The following ATP8A1 variants were observed in gnomAD, a reference collection of about 807,000 sequenced individuals.
ATP8A1 encodes phospholipid-transporting ATPase IA.
A neutral mutation model predicts 177.7 loss-of-function variants in ATP8A1; 90 were observed. That is an observed-to-expected ratio of 0.51 (90% CI 0.43 to 0.60). ATP8A1 has a LOEUF of 0.60. Ranked by LOEUF, ATP8A1 falls within the 20% of genes least tolerant of loss-of-function variation. The pLI is 0.00. For missense variants in ATP8A1, 1,072 were observed against 1,392.8 expected (o/e 0.77, Z 3.67); for synonymous variants, 493 against 485.9 (o/e 1.01, Z -0.19).
At chr4:42,570,259 TTC>T (rs925647825) in intron 14 of ATP8A1, among the ~76,000 whole-genome samples, 1 of 152,218 alleles carries the variant, frequency 6.6e-6, no homozygotes, top group Admixed American at 6.5e-5. Flanking sequence ...TAACTCACTA[TTC>T]TCTCTCCTAC....
At position 42,512,784 on chromosome 4, in the gene ATP8A1, T is replaced by C. The variant is rs868068590; in HGVS notation, c.1948-5630A>G. ...TGGGCCCTACACCCAGAATTCCTCA[T>C]TGAATAGGTCTACGGTGAAGCCTGG... is the stretch of plus-strand genomic sequence containing the variant. On this transcript the variant is annotated intron_variant, in intron 22 of 36. Transcript: ENST00000381668. Among the ~76,000 whole-genome samples, 7 of 152,302 alleles carry C rather than the reference T, an allele frequency of 4.6e-5. No individual in the cohort carries two copies. In the South Asian group the frequency reaches 6.2e-4, roughly 14 times the overall value.
intron 20 of ATP8A1, among the ~76,000 whole-genome samples, chr4:42,529,702 C>T (rs1578113058): frequency 6.6e-6 from 1 of 152,142 alleles, no homozygotes; most frequent in African/African-American, 2.4e-5. Flanking sequence ...TGGTTCTGCA[C>T]GATATGCAGG....
intron 25 of ATP8A1, among the ~76,000 whole-genome samples, chr4:42,482,122 C>G (rs1198755156): frequency 6.6e-6 from 1 of 151,940 alleles, no homozygotes; most frequent in Non-Finnish European, 1.5e-5. Context: ...GGCAACGTGG[C>G]AAAAGCCAGG....
intron 4 of ATP8A1, among the ~76,000 whole-genome samples, chr4:42,620,203 A>G (rs1052025016): frequency 2.6e-5 from 4 of 152,158 alleles, no homozygotes; most frequent in Non-Finnish European, 5.9e-5. Context: ...CTAAATTGTT[A>G]TTTGATTTGT....
In ATP8A1 at chr4:42,455,374, A is replaced by C; in HGVS notation, c.2740T>G (p.Ser914Ala). The C allele has an allele frequency of 1.2e-6, 2 of 1,613,908 alleles. No individual in the cohort carries two copies. The highest frequency in any genetic ancestry group is 1.7e-6 in the Non-Finnish European group (2 of 1,179,826). The change falls in exon 29 of 37, where the codon TCA becomes GCA. Residue 914 changes from serine (S) to alanine (A), a missense_variant. Ser to Ala is a moderately conservative substitution (Grantham distance 99). Around this residue, in one of 5 missense-constraint regions of ATP8A1, gnomAD observed 316 missense variants for 459.1 expected, o/e 0.69. Coordinates refer to ENST00000381668, the MANE Select transcript of ATP8A1 (RefSeq NM_006095.2). ...PPLTLGIFER[S>A]CRKENMLKYP... The stretch of plus-strand genomic sequence containing the variant: ...TTCAACATGTTCTCTTTTCTGCATG[A>C]TCTCTCAAATATTCCAAGAGTTAAA...
At chr4:42,567,461 C>T (rs1239727538) in intron 15 of ATP8A1, among the ~76,000 whole-genome samples, 1 of 152,124 alleles carries the variant, frequency 6.6e-6, no homozygotes, top group Non-Finnish European at 1.5e-5. Flanking sequence ...ATCACTTGAA[C>T]CTGGGAGGTG....
chr4:42,454,731 T>C (rs1718299439), intron 29 of ATP8A1, among the ~76,000 whole-genome samples: 1 of 152,190 alleles, frequency 6.6e-6, no homozygotes, highest in South Asian at 2.1e-4. Context: ...AGATAAACTG[T>C]TGGATATTTT....
At chr4:42,636,156 A>ACACGCGCGTGCG (rs565139270) in intron 1 of ATP8A1, among the ~76,000 whole-genome samples, 10 of 90,968 alleles carry the variant, frequency 1.1e-4, no homozygotes, top group East Asian at 3.4e-4. Context: ...ACACACACAC[A>ACACGCGCGTGCG]CGCACACACA....
intron 15 of ATP8A1, among the ~76,000 whole-genome samples, chr4:42,563,733 G>C (rs1256884884): frequency 6.6e-6 from 1 of 152,218 alleles, no homozygotes; most frequent in Non-Finnish European, 1.5e-5. Flanking sequence ...TAGTGCTTCA[G>C]AGGGTGGAAG....
chr4:42,594,362 C>T, intron 6 of ATP8A1: 1 of 1,557,758 alleles, frequency 6.4e-7, no homozygotes. Flanking sequence ...CCAACATTTA[C>T]CTGAAAGAAA....
rs552247889 is a variant in ATP8A1 at position 42,477,396 on chromosome 4, C to T, written c.2324+8100G>A. Among the ~76,000 whole-genome samples the T allele has an allele frequency of 2.6e-5, 4 of 152,196 alleles. No individual in the cohort carries two copies. The South Asian group carries it at 8.3e-4, about 32-fold the overall frequency. On this transcript the variant is annotated intron_variant, in intron 25 of 36. Coordinates refer to ENST00000381668, the MANE Select transcript of ATP8A1 (RefSeq NM_006095.2). ...TCTATTCCATGGATCTGGGATGGCA[C>T]ACTAGTAGAGTTGTTTTGGAATAAT...
At chr4:42,542,478 T>C (rs937035371) in intron 20 of ATP8A1, among the ~76,000 whole-genome samples, 1 of 152,142 alleles carries the variant, frequency 6.6e-6, no homozygotes, top group Admixed American at 6.6e-5. Context: ...AGTTCTAGGG[T>C]ACCTGCGCAC....
chr4:42,513,111 C>G (rs1725180179), intron 22 of ATP8A1, among the ~76,000 whole-genome samples: 1 of 152,186 alleles, frequency 6.6e-6, no homozygotes, highest in African/African-American at 2.4e-5. Context: ...TGCTTGTGAG[C>G]ATCCCATCTT....
chr4:42,616,129 TA>T, intron 4 of ATP8A1, 51 bp from the exon 5 acceptor site: 1 of 1,511,352 alleles, frequency 6.6e-7, no homozygotes, highest in South Asian at 1.2e-5. Context: ...ATAAGATTAC[TA>T]AAACAAGAGA....
chr4:42,566,445 T>C (rs1731356160), intron 15 of ATP8A1, among the ~76,000 whole-genome samples: 1 of 152,198 alleles, frequency 6.6e-6, no homozygotes, highest in Non-Finnish European at 1.5e-5. Context: ...AGGATTCAAC[T>C]GGGATCACAC....
chr4:42,502,517 T>C (rs774378855), intron 24 of ATP8A1, among the ~76,000 whole-genome samples: 4 of 152,184 alleles, frequency 2.6e-5, no homozygotes, highest in African/African-American at 9.7e-5. Context: ...GGAAGGTAAA[T>C]GCCCAAAGCC....
chr4:42,483,855 A>G (rs1187434265), intron 25 of ATP8A1, among the ~76,000 whole-genome samples: 7 of 152,212 alleles, frequency 4.6e-5, no homozygotes, highest in African/African-American at 1.7e-4. Flanking sequence ...AGATACATGA[A>G]GGAGAGCAGG....
At chr4:42,464,393 T>C (rs947879980) in intron 27 of ATP8A1, among the ~76,000 whole-genome samples, 7 of 151,882 alleles carry the variant, frequency 4.6e-5, no homozygotes, top group African/African-American at 1.7e-4. Flanking sequence ...AGCCTCCTAG[T>C]AGCTGGAATT....
intron 24 of ATP8A1, among the ~76,000 whole-genome samples, chr4:42,501,793 T>C (rs751256015): frequency 1.1e-4 from 17 of 152,262 alleles, no homozygotes; most frequent in Middle Eastern, 3.4e-3. Flanking sequence ...ATGAGTACAC[T>C]GCAGCAGGTC....
Sources: allele counts gnomAD v4.1 joint callset (sites outside exome capture counted in the v4.1 genomes callset), GRCh38; gene constraint gnomAD v4.1.1; regional missense constraint gnomAD v4.1.1; transcripts MANE v1.5; gene names NCBI Gene and HGNC (gene_info 2026-07-23, HGNC 2026-07-21).